MAGI1: variants seen among roughly 807,000 people sequenced by gnomAD.
MAGI1 encodes the protein membrane associated guanylate kinase, WW and PDZ domain containing 1.
In MAGI1, 58 loss-of-function variants were observed where a neutral mutation model predicts 139.9. That is an observed-to-expected ratio of 0.41 (90% CI 0.34 to 0.52). The LOEUF (loss-of-function observed/expected upper bound fraction) is 0.52, where lower values mean the gene tolerates loss of function less well. MAGI1 is among the 20% of genes least tolerant of loss of function. The pLI is 0.12. For synonymous variants in MAGI1, 812 were observed against 737.9 expected (o/e 1.10, Z -1.63); for missense variants, 1,874 against 1,901.6 (o/e 0.99, Z 0.27).
chr3:65,916,475 T>A (rs1036549065), intron 1 of MAGI1, among the ~76,000 whole-genome samples: 1 of 152,148 alleles, frequency 6.6e-6, no homozygotes, highest in Admixed American at 6.5e-5. Flanking sequence ...CCTTACGTGG[T>A]GGCACACAAG....
At chr3:65,482,492 A>T (rs1193897127) in intron 3 of MAGI1, among the ~76,000 whole-genome samples, 1 of 152,214 alleles carries the variant, frequency 6.6e-6, no homozygotes, top group Non-Finnish European at 1.5e-5. Flanking sequence ...TCTAACACTC[A>T]GTCTCTCTAG....
chr3:65,410,521 C>G (rs1240168229), intron 12 of MAGI1, among the ~76,000 whole-genome samples: 1 of 152,124 alleles, frequency 6.6e-6, no homozygotes, highest in African/African-American at 2.4e-5. Context: ...AAGATTAATC[C>G]TATAGCCATT....
intron 1 of MAGI1, among the ~76,000 whole-genome samples, chr3:65,868,053 G>C (rs547296721): frequency 3.0e-4 from 46 of 152,260 alleles, no homozygotes; most frequent in African/African-American, 1.1e-3. Context: ...TGAATTCTTA[G>C]GGTCCATATG....
At chr3:65,436,272 G>T in intron 10 of MAGI1, among the ~76,000 whole-genome samples, 1 of 152,088 alleles carries the variant, frequency 6.6e-6, no homozygotes. Flanking sequence ...AATATAGAAA[G>T]GAAGACAAAT....
intron 1 of MAGI1, among the ~76,000 whole-genome samples, chr3:65,916,075 T>C (rs1467498466): frequency 1.7e-5 from 2 of 117,468 alleles, no homozygotes; most frequent in African/African-American, 3.2e-5. Context: ...TTCTTTCTTT[T>C]CTTTTTTTTG....
At chr3:65,816,596 G>A (rs1195314807) in intron 1 of MAGI1, among the ~76,000 whole-genome samples, 1 of 151,268 alleles carries the variant, frequency 6.6e-6, no homozygotes, top group Non-Finnish European at 1.5e-5. Flanking sequence ...GTCCAAAATG[G>A]AGCTTTGTTA....
chr3:65,679,321 T>G (rs1466187991), intron 1 of MAGI1, among the ~76,000 whole-genome samples: 1 of 152,206 alleles, frequency 6.6e-6, no homozygotes, highest in African/African-American at 2.4e-5. Context: ...ACAGCCATGG[T>G]GATAAGAGCT....
chr3:65,366,454 C>G (rs1941425079), intron 18 of MAGI1, among the ~76,000 whole-genome samples: 1 of 152,148 alleles, frequency 6.6e-6, no homozygotes, highest in African/African-American at 2.4e-5. Flanking sequence ...CCAATCATTT[C>G]CTATGCACTC....
At chr3:65,549,209 C>T (rs2079686017) in intron 2 of MAGI1, among the ~76,000 whole-genome samples, 1 of 152,266 alleles carries the variant, frequency 6.6e-6, no homozygotes, top group South Asian at 2.1e-4. Flanking sequence ...GGAACTTGAA[C>T]GCCCGGGCGG....
rs2088225985 is a variant in MAGI1 at position 65,688,121 on chromosome 3, T to C, written c.314-66033A>G. The C allele has an allele frequency of 5.2e-6, 4 of 774,632 alleles. No homozygotes were observed. In the Admixed American group the frequency reaches 7.2e-5, roughly 14 times the overall value. 48.0% of individuals were successfully genotyped at this position (774,632 alleles called of 1,614,324 possible). ...CTGCACATAGGTGTTGCTTGCAGATTCTAGGTGCAGGACTGTTCCTGCCAG... is the reference window on the plus strand; with the variant it reads ...CTGCACATAGGTGTTGCTTGCAGATCCTAGGTGCAGGACTGTTCCTGCCAG... On this transcript the variant is annotated intron_variant, in intron 1 of 22. Transcript: ENST00000402939.
chr3:65,763,489 A>AT (rs1488849863), intron 1 of MAGI1, among the ~76,000 whole-genome samples: 1 of 152,166 alleles, frequency 6.6e-6, no homozygotes, highest in Non-Finnish European at 1.5e-5. Context: ...CAATAACAAC[A>AT]TTTACATAGC....
chr3:65,564,101 C>T (rs936879179), intron 2 of MAGI1, among the ~76,000 whole-genome samples: 1 of 152,110 alleles, frequency 6.6e-6, no homozygotes, highest in Non-Finnish European at 1.5e-5. Context: ...CCTGCATTTA[C>T]GCTTTCCCAT....
At chr3:65,793,678 G>A (rs1009556401) in intron 1 of MAGI1, among the ~76,000 whole-genome samples, 1 of 152,214 alleles carries the variant, frequency 6.6e-6, no homozygotes, top group African/African-American at 2.4e-5. Flanking sequence ...TGCTGGCCTG[G>A]GTGGAGCAGC....
At chr3:65,835,135 G>C (rs771624673) in intron 1 of MAGI1, among the ~76,000 whole-genome samples, 23 of 152,170 alleles carry the variant, frequency 1.5e-4, no homozygotes, top group Non-Finnish European at 2.6e-4. Context: ...TTTGTTTTCT[G>C]TTTCTTCTCT....
At chr3:65,619,425 G>A (rs2083551930) in intron 2 of MAGI1, among the ~76,000 whole-genome samples, 1 of 152,122 alleles carries the variant, frequency 6.6e-6, no homozygotes, top group Admixed American at 6.5e-5. Flanking sequence ...AATGACCCAT[G>A]AGCCTCCTAA....
At chr3:65,673,331 T>G (rs6767970) in intron 1 of MAGI1, among the ~76,000 whole-genome samples, 56,584 of 152,086 alleles carry the variant, frequency 0.37, 10,948 homozygotes, top group East Asian at 0.58. Flanking sequence ...TAGTTTATCT[T>G]AAACTTTTAT....
At position 66,038,140 on chromosome 3, in the gene MAGI1, C is replaced by T. The variant is rs1349158843; in HGVS notation, c.169G>A (p.Gly57Ser). 6.2e-7 allele frequency: 1 copy of T among 1,612,022 alleles called. No homozygotes were observed. The highest frequency in any genetic ancestry group is 8.5e-7 in the Non-Finnish European group (1 of 1,179,444). ...VAAVEAAGLPGGGEGPRLGEG... is the reference protein window; with the variant it reads ...VAAVEAAGLPSGGEGPRLGEG... The stretch of plus-strand genomic sequence containing the variant: ...CCCAGCCTCGGGCCCTCGCCGCCGC[C>T]GGGAAGCCCCGCTGCCTCGACCGCC... Residue 57 changes from glycine (G) to serine (S), a missense_variant, in exon 1 of 23, where the codon GGC (glycine) becomes AGC (serine). Physicochemically the swap from Gly to Ser is moderately conservative, Grantham distance 56. Coordinates refer to ENST00000402939, the MANE Select transcript of MAGI1 (RefSeq NM_001033057.2).
intron 13 of MAGI1, among the ~76,000 whole-genome samples, chr3:65,398,674 G>A (rs1944604374): frequency 6.6e-6 from 1 of 152,144 alleles, no homozygotes; most frequent in Non-Finnish European, 1.5e-5. Context: ...TTTTCAGTCA[G>A]GATGATTAAG....
At chr3:65,384,169 G>A (rs546801971) in intron 14 of MAGI1, among the ~76,000 whole-genome samples, 1 of 152,272 alleles carries the variant, frequency 6.6e-6, no homozygotes, top group South Asian at 2.1e-4. Context: ...ATTAAGGCTA[G>A]CAATGCTAAT....
Sources: gnomAD v4.1 joint callset for allele counts (sites outside exome capture counted in the v4.1 genomes callset) on GRCh38, gnomAD v4.1.1 for gene constraint, MANE v1.5 for transcripts, NCBI Gene and HGNC (gene_info 2026-07-23, HGNC 2026-07-21) for gene names.